The following CRB1 variants were observed in gnomAD, a reference collection of about 807,000 sequenced individuals.
CRB1 encodes the protein crumbs cell polarity complex component 1.
Under a neutral mutation model 120.0 loss-of-function variants are expected in CRB1, and 83 were observed. The ratio of observed to expected loss-of-function variants is 0.69; its 90% confidence interval spans 0.58 to 0.83. The LOEUF (loss-of-function observed/expected upper bound fraction) is 0.83, where lower values mean the gene tolerates loss of function less well. CRB1 is among the 40% of genes least tolerant of loss of function. The pLI is 0.00. For synonymous variants in CRB1, 625 were observed against 612.5 expected, an observed-to-expected ratio of 1.02 and a Z score of -0.30; for missense variants, 1,699 against 1,687.6, an observed-to-expected ratio of 1.01 and a Z score of -0.12.
chr1:197,330,920 C>G (rs966453574), intron 2 of CRB1, among the ~76,000 whole-genome samples: 2 of 152,122 alleles, frequency 1.3e-5, no homozygotes, highest in Non-Finnish European at 2.9e-5. Context: ...CTCGGCCAGG[C>G]GCGGTGGCTC....
At chr1:197,385,000 C>G (rs1662139661) in intron 5 of CRB1, among the ~76,000 whole-genome samples, 1 of 152,140 alleles carries the variant, frequency 6.6e-6, no homozygotes, top group African/African-American at 2.4e-5. Context: ...TAAGCAGAAA[C>G]CTTTGAAGGA....
At chr1:197,252,582 A>ATATATATATATATATGTGTGTGTG in the CRB1 span, among the ~76,000 whole-genome samples, 2 of 15,502 alleles carry the variant, frequency 1.3e-4, no homozygotes, top group Non-Finnish European at 2.8e-4. Flanking sequence ...ATATATATAT[A>ATATATATATATATATGTGTGTGTG]TGTGTGTGTG....
chr1:197,223,277 G>A, the CRB1 span: 9 of 872,996 alleles, frequency 1.0e-5, no homozygotes, highest in South Asian at 8.5e-5. Flanking sequence ...GCCAGAATTA[G>A]AAAAGGGGTT....
At chr1:197,411,809 A>AT (rs1398808435) in intron 5 of CRB1, among the ~76,000 whole-genome samples, 1 of 152,056 alleles carries the variant, frequency 6.6e-6, no homozygotes, top group Admixed American at 6.5e-5. Context: ...ACAAGTACAG[A>AT]TTTTTTTACA....
intron 1 of CRB1, among the ~76,000 whole-genome samples, chr1:197,296,129 T>A (rs1291091622): frequency 6.6e-6 from 1 of 152,062 alleles, no homozygotes; most frequent in Admixed American, 6.6e-5. Context: ...TGGACTATTT[T>A]TCTATCTGCA....
chr1:197,274,098 C>A (rs1311309465), intron 1 of CRB1, among the ~76,000 whole-genome samples: 1 of 152,022 alleles, frequency 6.6e-6, no homozygotes, highest in Admixed American at 6.6e-5. Flanking sequence ...CATATTGATG[C>A]CTCTAACTCC....
At position 197,395,765 on chromosome 1, in the gene CRB1, G is replaced by A. The variant is rs545349567; in HGVS notation, c.1172-25235G>A. Reference sequence around the variant, plus strand: ...GGAAATCTATGTGATCATCTCCATAGATACAGAAAAAAATGCATTTAACAA... The same window carrying A: ...GGAAATCTATGTGATCATCTCCATAAATACAGAAAAAAATGCATTTAACAA... On this transcript the variant is annotated intron_variant, in intron 5 of 11. Coordinates refer to ENST00000367400, the MANE Select transcript of CRB1 (RefSeq NM_201253.3). Among the ~76,000 whole-genome samples, 15 of 152,110 alleles carry A rather than the reference G, an allele frequency of 9.9e-5. No individual in the cohort carries two copies. In the South Asian group the frequency reaches 3.1e-3, roughly 32 times the overall value.
chr1:197,433,060 ATT>A (rs34949598), intron 8 of CRB1, among the ~76,000 whole-genome samples: 10 of 144,842 alleles, frequency 6.9e-5, no homozygotes, highest in Admixed American at 1.4e-4. Context: ...TTTGTCATGA[ATT>A]TTTTTTTTTT....
At chr1:197,280,748 A>G (rs1655472813) in intron 1 of CRB1, among the ~76,000 whole-genome samples, 1 of 151,920 alleles carries the variant, frequency 6.6e-6, no homozygotes, top group Non-Finnish European at 1.5e-5. Context: ...GATAGTTTTT[A>G]TTATGTCCTT....
rs80254264 is a variant in CRB1 at position 197,407,519 on chromosome 1, G to A, written c.1172-13481G>A. ...TCTCTGAAAGTGTTTTATTTCCTGC[G>A]ATCAGAGCTTCTTAGCTTTTCCAGA... On this transcript the variant is annotated intron_variant, in intron 5 of 11. Coordinates refer to ENST00000367400, the MANE Select transcript of CRB1 (RefSeq NM_201253.3). Among the ~76,000 whole-genome samples, 117 of 152,218 alleles carry A rather than the reference G, an allele frequency of 7.7e-4. No individual in the cohort carries two copies. The East Asian group carries it at 0.021, about 27-fold the overall frequency.
intron 5 of CRB1, chr1:197,363,757 T>C (rs1280129897): frequency 3.3e-6 from 2 of 603,172 alleles, no homozygotes; most frequent in Non-Finnish European, 6.2e-6. Flanking sequence ...ATCCCTGCCC[T>C]TTCCATGCCT....
the CRB1 span, among the ~76,000 whole-genome samples, chr1:197,209,793 C>G: frequency 6.6e-6 from 1 of 152,210 alleles, no homozygotes; most frequent in Admixed American, 6.5e-5. Context: ...GCTCAGCTCT[C>G]TAAATTTGTC....
At chr1:197,385,211 T>A (rs1416892955) in intron 5 of CRB1, among the ~76,000 whole-genome samples, 1 of 152,210 alleles carries the variant, frequency 6.6e-6, no homozygotes, top group African/African-American at 2.4e-5. Context: ...GTCGAATTAG[T>A]TGTACAACTG....
At chr1:197,215,566 G>A in the CRB1 span, among the ~76,000 whole-genome samples, 1 of 152,120 alleles carries the variant, frequency 6.6e-6, no homozygotes, top group Non-Finnish European at 1.5e-5. Context: ...ATGTGCCACT[G>A]TGCCCGGCGG....
At chr1:197,325,136 C>G (rs1168601449) in intron 1 of CRB1, among the ~76,000 whole-genome samples, 1 of 152,184 alleles carries the variant, frequency 6.6e-6, no homozygotes, top group Non-Finnish European at 1.5e-5. Context: ...TTTCTATTGA[C>G]TGCCTTACCA....
the CRB1 span, among the ~76,000 whole-genome samples, chr1:197,242,165 A>C: frequency 1.3e-5 from 2 of 152,098 alleles, no homozygotes; most frequent in African/African-American, 4.8e-5. Context: ...TTCCTATTTG[A>C]ATACCCTTTA....
At chr1:197,250,509 T>C in the CRB1 span, among the ~76,000 whole-genome samples, 1 of 152,006 alleles carries the variant, frequency 6.6e-6, no homozygotes, top group Non-Finnish European at 1.5e-5. Flanking sequence ...AATGTCGTCT[T>C]TCTGAGATTT....
chr1:197,438,572 T>A lies in CRB1; in HGVS notation c.3775T>A (p.Cys1259Ser). ...CRQSRLPSTV[C>S]GNEKTNLTCY... is the part of the protein sequence containing the mutation. Reference sequence around the variant, plus strand: ...ACAGAGCAGATTACCCTCAACAGTCTGTGGGAATGAGAAGACAAATCTCAC... The same window carrying A: ...ACAGAGCAGATTACCCTCAACAGTCAGTGGGAATGAGAAGACAAATCTCAC... Residue 1259 changes from cysteine (C) to serine (S), a missense_variant, in exon 10 of 12, where the codon TGT becomes AGT. Physicochemically the swap from Cys to Ser is moderately radical, Grantham distance 112. Coordinates refer to ENST00000367400, the MANE Select transcript of CRB1 (RefSeq NM_201253.3). The A allele has an allele frequency of 6.2e-7, 1 of 1,612,710 alleles. No individual in the cohort carries two copies. Among genetic ancestry groups the A allele is most frequent in the African/African-American group, 1.3e-5 (1 of 74,984 alleles).
chr1:197,222,362 C>G, the CRB1 span: 1 of 757,142 alleles, frequency 1.3e-6, no homozygotes, highest in Non-Finnish European at 2.5e-6. Flanking sequence ...TGTCCATGGC[C>G]TTCTCTGTGA....
Sources: gnomAD v4.1 joint callset for allele counts (sites outside exome capture counted in the v4.1 genomes callset) on GRCh38, gnomAD v4.1.1 for gene constraint, MANE v1.5 for transcripts, NCBI Gene and HGNC (gene_info 2026-07-23, HGNC 2026-07-21) for gene names.